Variants in EMSY observed in about 807,000 individuals in gnomAD.
The protein encoded by EMSY is EMSY transcriptional repressor, BRCA2 interacting, also known as BRCA2-interacting transcriptional repressor EMSY.
In EMSY, 26 loss-of-function variants were observed where a neutral mutation model predicts 134.6. The ratio of observed to expected loss-of-function variants is 0.19; its 90% CI spans 0.14 to 0.27. The LOEUF is 0.27. Ranked by LOEUF, EMSY falls within the 10% of genes least tolerant of loss-of-function variation. EMSY has a pLI of 1.00. For synonymous variants in EMSY, 579 were observed against 577.8 expected (o/e 1.00, Z -0.03); for missense variants, 1,305 against 1,611.4 (o/e 0.81, Z 3.26).
chr11:76,515,038 C>T (rs924474270), intron 10 of EMSY, among the ~76,000 whole-genome samples: 6 of 148,378 alleles, frequency 4.0e-5, no homozygotes, highest in African/African-American at 1.2e-4. Flanking sequence ...ACTATGTATC[C>T]ATATAGCATA....
intron 8 of EMSY, among the ~76,000 whole-genome samples, chr11:76,493,086 G>A (rs1040397099): frequency 2.6e-5 from 4 of 152,090 alleles, no homozygotes; most frequent in African/African-American, 9.7e-5. Context: ...TGCAGTCTCC[G>A]AAGTGCCTGC....
At chr11:76,467,513 G>A (rs761552796) in intron 7 of EMSY, among the ~76,000 whole-genome samples, 1 of 152,164 alleles carries the variant, frequency 6.6e-6, no homozygotes, top group Non-Finnish European at 1.5e-5. Context: ...GGGACTATAA[G>A]CTGCTAAGGG....
chr11:76,511,621 A>T (rs934386746), intron 9 of EMSY, among the ~76,000 whole-genome samples: 5 of 151,992 alleles, frequency 3.3e-5, no homozygotes, highest in African/African-American at 4.8e-5. Context: ...AATCACTTAA[A>T]CCCAGGAGGT....
Position 76,542,411 on chromosome 11 carries a change from G to A in EMSY, c.2709+44G>A, listed in dbSNP as rs772757153. On this transcript the variant is annotated intron_variant, in intron 18 of 20. Coordinates refer to ENST00000334736, the Ensembl canonical transcript of EMSY. The stretch of plus-strand genomic sequence containing the variant: ...CTTCCTATCTTCTGCAACTGCCCAT[G>A]CTTGAAATAAGATTCAGTGTCATCT... 5.1e-6 allele frequency: 8 copies of A among 1,583,948 alleles called. No homozygotes were observed. The Admixed American group carries it at 1.3e-4, about 26-fold the overall frequency.
At chr11:76,458,111 G>A in intron 4 of EMSY, 72 bp from the exon 6 acceptor site, 1 of 1,411,694 alleles carries the variant, frequency 7.1e-7, no homozygotes, top group Non-Finnish European at 9.5e-7. Context: ...AGTTATATAT[G>A]TTTGAGCATA....
At chr11:76,492,743 A>G (rs1949472698) in intron 8 of EMSY, among the ~76,000 whole-genome samples, 1 of 152,136 alleles carries the variant, frequency 6.6e-6, no homozygotes, top group African/African-American at 2.4e-5. Context: ...TCCTGGGTGC[A>G]GCTCCAGTGG....
chr11:76,482,814 T>C (rs1490931204), intron 8 of EMSY, among the ~76,000 whole-genome samples: 2 of 152,176 alleles, frequency 1.3e-5, no homozygotes, highest in African/African-American at 4.8e-5. Context: ...TGGAATCAAG[T>C]TGGGAAACAC....
chr11:76,470,931 T>C (rs918866702), intron 7 of EMSY, among the ~76,000 whole-genome samples: 1 of 152,156 alleles, frequency 6.6e-6, no homozygotes, highest in African/African-American at 2.4e-5. Flanking sequence ...GAATGATTTG[T>C]CACTAAATCA....
chr11:76,542,331 A>G (rs765097973), exon 18 of EMSY: 2 of 1,614,182 alleles, frequency 1.2e-6, no homozygotes, highest in South Asian at 1.1e-5. Flanking sequence ...CCATCCCAGC[A>G]TCTTCCCCTG....
intron 8 of EMSY, among the ~76,000 whole-genome samples, chr11:76,475,829 A>G (rs1288283726): frequency 6.6e-6 from 1 of 152,190 alleles, no homozygotes; most frequent in East Asian, 1.9e-4. Context: ...GACTAGAGAC[A>G]TATTGTTTTA....
intron 9 of EMSY, 55 bp downstream of exon 10, chr11:76,496,524 T>C (rs768547214): frequency 1.3e-6 from 2 of 1,587,984 alleles, no homozygotes; most frequent in Admixed American, 3.3e-5. Context: ...ACCAGTTTTT[T>C]TAGTCTTCCA....
At chr11:76,472,866 C>A in intron 8 of EMSY, 26 bp downstream of exon 9, 1 of 1,606,144 alleles carries the variant, frequency 6.2e-7, no homozygotes, top group South Asian at 1.1e-5. Flanking sequence ...CAATTTAATT[C>A]TGTCACAGTT....
intron 8 of EMSY, among the ~76,000 whole-genome samples, chr11:76,483,961 A>G (rs891485998): frequency 2.0e-5 from 3 of 152,204 alleles, no homozygotes; most frequent in African/African-American, 7.2e-5. Flanking sequence ...TCTCAGCACC[A>G]CATCACACTT....
intron 9 of EMSY, among the ~76,000 whole-genome samples, chr11:76,498,606 C>G (rs745831124): frequency 2.7e-4 from 39 of 143,022 alleles, no homozygotes; most frequent in Non-Finnish European, 4.8e-4. Context: ...AATTAATTCT[C>G]TATTTTTTTT....
chr11:76,489,621 T>C (rs1200064907), intron 8 of EMSY, among the ~76,000 whole-genome samples: 2 of 151,780 alleles, frequency 1.3e-5, no homozygotes, highest in East Asian at 3.9e-4. Flanking sequence ...TTTTTTTTTT[T>C]TGAGATGGAG....
At position 76,499,488 on chromosome 11, in the gene EMSY, C is replaced by T. The variant is rs549752905; in HGVS notation, c.1363+3019C>T. Among the ~76,000 whole-genome samples the T allele has an allele frequency of 2.3e-3, 348 of 151,474 alleles. 1 individual carries two copies. Among genetic ancestry groups the T allele is most frequent in the African/African-American group, 8.2e-3 (338 of 41,330 alleles). ...ATTTTTAGTAGAGACGGGGTTTCAC[C>T]GTGTTATCCAGGATGGTCTCAATCT... On this transcript the variant is annotated intron_variant, in intron 9 of 20. Transcript: ENST00000334736.
At chr11:76,474,983 C>T (rs562521152) in intron 8 of EMSY, among the ~76,000 whole-genome samples, 4 of 152,224 alleles carry the variant, frequency 2.6e-5, no homozygotes, top group Middle Eastern at 3.4e-3. Context: ...AGGCTGATCT[C>T]GAACTCCTGG....
intron 5 of EMSY, 114 bp downstream of exon 6, chr11:76,458,472 T>C (rs535169311): frequency 1.6e-4 from 174 of 1,081,530 alleles, no homozygotes; most frequent in Admixed American, 3.1e-4. Flanking sequence ...TTAAAGGTTA[T>C]GAAACATAGT....
chr11:76,521,555 G>C (rs996338754), intron 11 of EMSY, among the ~76,000 whole-genome samples: 2 of 152,038 alleles, frequency 1.3e-5, no homozygotes, highest in African/African-American at 4.8e-5. Flanking sequence ...TTGAGGCCAG[G>C]AGTTCAAGAC....
Sources: allele counts gnomAD v4.1 joint callset (sites outside exome capture counted in the v4.1 genomes callset), GRCh38; gene constraint gnomAD v4.1.1; transcripts MANE v1.5; gene names NCBI Gene and HGNC (gene_info 2026-07-23, HGNC 2026-07-21).